SNTG1: variants seen among roughly 807,000 people sequenced by gnomAD.
The protein encoded by SNTG1 is syntrophin gamma 1.
In SNTG1, 39 loss-of-function variants were observed where a neutral mutation model predicts 74.7. That is an observed-to-expected ratio of 0.52 (90% CI 0.40 to 0.68). The LOEUF (loss-of-function observed/expected upper bound fraction) is 0.68, where lower values mean the gene tolerates loss of function less well. Ranked by LOEUF, SNTG1 falls within the 30% of genes least tolerant of loss-of-function variation. SNTG1 has a pLI of 0.00. For missense variants in SNTG1, 685 were observed against 609.5 expected (o/e 1.12, Z -1.30); for synonymous variants, 254 against 217.1 (o/e 1.17, Z -1.49).
chr8:49,988,476 A>G (rs930845612), intron 1 of SNTG1, among the ~76,000 whole-genome samples: 4 of 152,218 alleles, frequency 2.6e-5, no homozygotes, highest in Non-Finnish European at 4.4e-5. Flanking sequence ...TATTTTGAAA[A>G]GAATCAAATG....
chr8:50,135,696 T>C (rs1295405689), intron 1 of SNTG1, among the ~76,000 whole-genome samples: 1 of 152,232 alleles, frequency 6.6e-6, no homozygotes, highest in African/African-American at 2.4e-5. Context: ...TAGTGGAATA[T>C]TTATGCTGCA....
At chr8:50,290,479 T>C (rs2089034318) in intron 2 of SNTG1, among the ~76,000 whole-genome samples, 1 of 152,166 alleles carries the variant, frequency 6.6e-6, no homozygotes, top group South Asian at 2.1e-4. Flanking sequence ...GAAACATCAC[T>C]GTTTAGGTTC....
At chr8:50,257,751 C>T (rs562839109) in intron 2 of SNTG1, among the ~76,000 whole-genome samples, 2 of 152,248 alleles carry the variant, frequency 1.3e-5, no homozygotes, top group African/African-American at 4.8e-5. Flanking sequence ...AGCTAAGGAG[C>T]CCTCTTCAGT....
chr8:50,032,772 T>C (rs553385446), intron 1 of SNTG1, among the ~76,000 whole-genome samples: 1 of 152,322 alleles, frequency 6.6e-6, no homozygotes, highest in South Asian at 2.1e-4. Flanking sequence ...ATTTGGCTAA[T>C]CTTTTAACAC....
chr8:50,333,117 A>T (rs994058671), intron 2 of SNTG1, among the ~76,000 whole-genome samples: 15 of 152,264 alleles, frequency 9.9e-5, no homozygotes, highest in Non-Finnish European at 2.1e-4. Context: ...AACGTAATAT[A>T]TACTCAAGAC....
rs147683789 is a variant in SNTG1, at chr8:49,926,934, C to T, written c.-103+14703C>T. Among the ~76,000 whole-genome samples, 133 of 152,138 alleles carry T rather than the reference C, an allele frequency of 8.7e-4. 1 individual carries two copies. The East Asian group carries it at 0.024, about 28-fold the overall frequency. On this transcript the variant is annotated intron_variant, in intron 1 of 18. Coordinates refer to ENST00000642720, the MANE Select transcript of SNTG1 (RefSeq NM_018967.5). ...ACCAATTAAAAAATCGGTAAAGGAC[C>T]TTAACAAACATCTCACCAAAGAAGA...
intron 2 of SNTG1, among the ~76,000 whole-genome samples, chr8:50,380,350 T>A (rs1000161370): frequency 1.3e-5 from 2 of 152,182 alleles, no homozygotes; most frequent in Non-Finnish European, 2.9e-5. Context: ...TGTGAATGTG[T>A]GTGGAGAGGG....
At chr8:50,278,009 C>T (rs2088214572) in intron 2 of SNTG1, among the ~76,000 whole-genome samples, 2 of 151,958 alleles carry the variant, frequency 1.3e-5, no homozygotes, top group Non-Finnish European at 2.9e-5. Context: ...CCCAGCTGTA[C>T]TAAAAATACA....
chr8:50,128,983 G>A (rs2081231001), intron 1 of SNTG1, among the ~76,000 whole-genome samples: 1 of 152,018 alleles, frequency 6.6e-6, no homozygotes, highest in Non-Finnish European at 1.5e-5. Flanking sequence ...TTGAAATCCA[G>A]CATGACTTAG....
intron 13 of SNTG1, among the ~76,000 whole-genome samples, chr8:50,614,532 T>C (rs2094873408): frequency 6.6e-6 from 1 of 152,110 alleles, no homozygotes; most frequent in South Asian, 2.1e-4. Flanking sequence ...CAAATTGACG[T>C]ATAGTAGAAT....
intron 4 of SNTG1, among the ~76,000 whole-genome samples, chr8:50,434,422 G>A (rs1286511016): frequency 2.0e-5 from 3 of 152,118 alleles, no homozygotes; most frequent in Non-Finnish European, 4.4e-5. Flanking sequence ...GGATGGCTGA[G>A]TCAAATGGTA....
rs758449249 is a variant in SNTG1 at position 50,277,743 on chromosome 8, C to T, written c.-28+105108C>T. On this transcript the variant is annotated intron_variant, in intron 2 of 18. Transcript: ENST00000642720. The stretch of plus-strand genomic sequence containing the variant: ...ACCTTTTCTGAGATATTATTCTCTT[C>T]TGTCTTATTAGGAAGACACCTAATC... Among the ~76,000 whole-genome samples the T allele has an allele frequency of 2.6e-5, 4 of 152,152 alleles. No homozygotes were observed. The South Asian group carries it at 8.3e-4, about 32-fold the overall frequency.
At chr8:50,608,639 G>T (rs972501634) in intron 13 of SNTG1, among the ~76,000 whole-genome samples, 5 of 151,702 alleles carry the variant, frequency 3.3e-5, no homozygotes, top group Middle Eastern at 6.8e-3. Flanking sequence ...GGTTATGTGT[G>T]TTTTTTTAAA....
chr8:50,756,032 A>G (rs2095579580), intron 18 of SNTG1, among the ~76,000 whole-genome samples: 1 of 150,040 alleles, frequency 6.7e-6, no homozygotes, highest in South Asian at 2.1e-4. Flanking sequence ...TTCATACGCT[A>G]ATTTTCATCT....
intron 1 of SNTG1, among the ~76,000 whole-genome samples, chr8:49,950,074 C>G (rs1174859904): frequency 6.6e-6 from 1 of 152,130 alleles, no homozygotes; most frequent in Admixed American, 6.5e-5. Context: ...TTTCAGTGAG[C>G]TGAGATCATG....
At chr8:50,562,106 T>A (rs1009620474) in intron 12 of SNTG1, among the ~76,000 whole-genome samples, 2 of 152,268 alleles carry the variant, frequency 1.3e-5, no homozygotes, top group African/African-American at 4.8e-5. Flanking sequence ...AAAATGTTAT[T>A]TTGTCAATAA....
At position 50,063,714 on chromosome 8, in the gene SNTG1, T is replaced by A. The variant is rs559381525; in HGVS notation, c.-102-108847T>A. Among the ~76,000 whole-genome samples, 410 of 152,244 alleles carry A rather than the reference T, an allele frequency of 2.7e-3. 2 individuals carry two copies. Among genetic ancestry groups the A allele is most frequent in the South Asian group, 0.012 (60 of 4,812 alleles). ...CCTGGAAACCATTGCTTTTTTTTTT[T>A]AAATATAAAATGACTTAATAGCTTT... is the stretch of plus-strand genomic sequence containing the variant. On this transcript the variant is annotated intron_variant, in intron 1 of 18. Transcript: ENST00000642720.
intron 8 of SNTG1, among the ~76,000 whole-genome samples, chr8:50,467,612 GT>G (rs1443760801): frequency 1.3e-5 from 2 of 151,380 alleles, no homozygotes; most frequent in Non-Finnish European, 3.0e-5. Context: ...TTTTTTCCCT[GT>G]TGTTTTTTGT....
chr8:50,013,422 C>G (rs547103057), intron 1 of SNTG1, among the ~76,000 whole-genome samples: 7 of 151,838 alleles, frequency 4.6e-5, no homozygotes, highest in South Asian at 2.1e-4. Flanking sequence ...TTTTGTAAAA[C>G]TTTCTTTTCA....
Sources: allele counts gnomAD v4.1 joint callset (sites outside exome capture counted in the v4.1 genomes callset), GRCh38; gene constraint gnomAD v4.1.1; transcripts MANE v1.5; gene names NCBI Gene and HGNC (gene_info 2026-07-23, HGNC 2026-07-21).